Variants in FAM53C observed in about 807,000 individuals in gnomAD.
FAM53C encodes protein FAM53C.
In FAM53C, 10 loss-of-function variants were observed where a neutral mutation model predicts 34.7. The observed-to-expected ratio is 0.29, with a 90% CI of 0.18 to 0.49. The LOEUF (loss-of-function observed/expected upper bound fraction) is 0.49. Among genes scored for constraint, FAM53C ranks in the 20% least tolerant of loss-of-function variants. The pLI, the probability that FAM53C is intolerant of heterozygous loss-of-function variation, is 0.99. For missense variants in FAM53C, 442 were observed against 515.3 expected (o/e 0.86, Z 1.38); for synonymous variants, 203 against 203.6 (o/e 1.00, Z 0.03).
At chr5:138,339,694 T>A (rs1453771884) in intron 1 of FAM53C, among the ~76,000 whole-genome samples, 1 of 152,210 alleles carries the variant, frequency 6.6e-6, no homozygotes, top group African/African-American at 2.4e-5. Context: ...GCTTCTCCCG[T>A]AAGAATATAG....
chr5:138,348,819 C>G lies in FAM53C; in HGVS notation c.*1860C>G, dbSNP rs1207711027. On this transcript the variant is annotated 3_prime_UTR_variant, in exon 5 of 5. Coordinates refer to ENST00000239906, the MANE Select transcript of FAM53C (RefSeq NM_016605.3). ...GAGTTGCCCATCTATGGTTTCATTC[C>G]TCCCCTGGCTCTTCTCCCTCTTCAG... The G allele has an allele frequency of 6.6e-6, 1 of 152,292 alleles. No homozygotes were observed. Among genetic ancestry groups the G allele is most frequent in the Non-Finnish European group, 1.5e-5 (1 of 68,104 alleles). 9.4% of individuals were successfully genotyped at this position (152,292 alleles called of 1,614,324 possible). A position where few individuals can be genotyped will look rare whatever the true frequency, so the allele number is the denominator to read the frequency against.
rs763414033 is a variant in FAM53C, at chr5:138,344,868, G to T, written c.180G>T (p.Glu60Asp). The change falls in exon 4 of 5, where the codon GAG becomes GAT. Residue 60 changes from glutamate (E) to aspartate (D), a missense_variant. Transcript: ENST00000239906. ...GCCTGCCCCACTGTTCCTGTGCTGA[G>T]TTCCAGGACAGCCTCAACTTCAGCT... ...WRGLPHCSCA[E>D]FQDSLNFSYH... 8 of 1,607,792 alleles carry T rather than the reference G, an allele frequency of 5.0e-6. No individual in the cohort carries two copies. In the East Asian group the frequency reaches 1.6e-4, roughly 31 times the overall value.
rs1761138679 is a variant in FAM53C, at chr5:138,345,298, C to A, written c.610C>A (p.Arg204=). ...CCTGGCCCTGGCCCAAGATTCCTCT[C>A]GACCCTGCGCCGCCTCCCCTCAAAG... ...FSLALAQDSS[R]PCAASPQSGS... The change falls in exon 4 of 5, where the codon CGA becomes AGA. Residue 204 remains arginine, a synonymous_variant. Coordinates refer to ENST00000239906, the MANE Select transcript of FAM53C (RefSeq NM_016605.3). This position sits in a 1 kb window ranked among gnomAD's most constrained non-coding sequence, Gnocchi z 6.3. The A allele has an allele frequency of 1.9e-6, 3 of 1,614,236 alleles. No individual in the cohort carries two copies. Among genetic ancestry groups the A allele is most frequent in the Non-Finnish European group, 1.7e-6 (2 of 1,180,042 alleles).
Position 138,344,980 on chromosome 5 carries a change from C to G in FAM53C, c.292C>G (p.Pro98Ala), listed in dbSNP as rs1210890570. Residue 98 changes from proline (P) to alanine (A), a missense_variant, in exon 4 of 5, where the codon CCT becomes GCT. Transcript: ENST00000239906. ...GCAGCCCTTCTCCCAAGTCCTAAGA[C>G]CTGAGCCCCCAGATCCAGAGAAGCT... ...KEQPFSQVLR[P>A]EPPDPEKLPV... 6.2e-7 allele frequency: 1 copy of G among 1,614,022 alleles called. No individual in the cohort carries two copies. The highest frequency in any genetic ancestry group is 8.5e-7 in the Non-Finnish European group (1 of 1,179,950).
At chr5:138,341,602 C>A in intron 2 of FAM53C, 189 bp downstream of exon 2, 1 of 736,236 alleles carries the variant, frequency 1.4e-6, no homozygotes, top group Non-Finnish European at 2.3e-6. Flanking sequence ...AGAGAAGGGA[C>A]AGCAAAACTT....
chr5:138,346,311 A>G (rs1439526452), intron 4 of FAM53C, among the ~76,000 whole-genome samples: 3 of 152,234 alleles, frequency 2.0e-5, no homozygotes, highest in Non-Finnish European at 2.9e-5. Flanking sequence ...AATGGAAACA[A>G]TGGGCTCCAA....
upstream of FAM53C, chr5:138,338,052 G>A: frequency 7.8e-7 from 1 of 1,289,718 alleles, no homozygotes; most frequent in Non-Finnish European, 1.0e-6. Context: ...ACTCGTTAGT[G>A]AGGAAACCAC....
chr5:138,344,812 A>G lies in FAM53C; in HGVS notation c.137-13A>G, dbSNP rs1202526357. 2.0e-6 allele frequency: 3 copies of G among 1,519,356 alleles called. No homozygotes were observed. In the Admixed American group the frequency reaches 6.8e-5, roughly 34 times the overall value. The allele number at this position is 1,519,356 out of a possible 1,614,324, so 94.1% of individuals were successfully genotyped here. ...CTATCATTAATATTATTCTTATTAT[A>G]AATGCCTTCCAGAAGGTGCTTCCTG... On this transcript the variant is annotated splice_polypyrimidine_tract_variant and intron_variant, in intron 3 of 4. Coordinates refer to ENST00000239906, the MANE Select transcript of FAM53C (RefSeq NM_016605.3).
Position 138,345,520 on chromosome 5 carries a change from C to T in FAM53C, c.832C>T (p.Leu278=). 1 of 1,614,110 alleles carries T rather than the reference C, an allele frequency of 6.2e-7. No individual in the cohort carries two copies. Among genetic ancestry groups the T allele is most frequent in the South Asian group, 1.1e-5 (1 of 91,092 alleles). ...LPRSRSQPCD[L]DARKTGVKRR... ...CCGAAGCCGCTCACAGCCTTGTGAT[C>T]TGGATGCCCGCAAAACTGGGGTCAA... The change falls in exon 4 of 5, where the codon CTG becomes TTG. Residue 278 remains leucine (L), a synonymous_variant. Coordinates refer to ENST00000239906, the MANE Select transcript of FAM53C (RefSeq NM_016605.3). The surrounding 1 kb of genome is among the most constrained non-coding windows in gnomAD (Gnocchi z 6.3).
At position 138,345,636 on chromosome 5, in the gene FAM53C, T is replaced by A. The variant is rs758612019; in HGVS notation, c.921+27T>A. The A allele has an allele frequency of 6.9e-6, 11 of 1,591,632 alleles. No homozygotes were observed. The highest frequency in any genetic ancestry group is 9.4e-6 in the Non-Finnish European group (11 of 1,167,530). On this transcript the variant is annotated intron_variant, in intron 4 of 4. Transcript: ENST00000239906. The surrounding 1 kb of genome is among the most constrained non-coding windows in gnomAD (Gnocchi z 6.3). The stretch of plus-strand genomic sequence containing the variant: ...TGGGACCAGCAAGACTAGGGGAGCT[T>A]AGATGGGAGTGTGGGGACTGTTCTG...
Position 138,345,550 on chromosome 5 carries a change from C to T in FAM53C, c.862C>T (p.Arg288Cys), listed in dbSNP as rs1333117431. The T allele has an allele frequency of 3.7e-6, 6 of 1,613,826 alleles. No homozygotes were observed. The highest frequency in any genetic ancestry group is 5.1e-6 in the Non-Finnish European group (6 of 1,180,040). Residue 288 changes from arginine to cysteine, a missense_variant, in exon 4 of 5, where the codon CGC becomes TGC. Physicochemically the swap from Arg to Cys is radical, Grantham distance 180 (BLOSUM62 -3). Transcript: ENST00000239906. The surrounding 1 kb of genome is among the most constrained non-coding windows in gnomAD (Gnocchi z 6.3). The part of the protein sequence containing the change: ...LDARKTGVKR[R>C]HEEDPRRLRP... ...TGCCCGCAAAACTGGGGTCAAGCGG[C>T]GCCACGAGGAAGACCCCCGGCGTCT...
Position 138,341,173 on chromosome 5 carries a change from C to A in FAM53C, c.-152-11C>A. 1 of 752,442 alleles carries A rather than the reference C, an allele frequency of 1.3e-6. No individual in the cohort carries two copies. Among genetic ancestry groups the A allele is most frequent in the South Asian group, 1.4e-5 (1 of 72,550 alleles). The allele number at this position is 752,442 out of a possible 1,614,324, so 46.6% of individuals were successfully genotyped here. On this transcript the variant is annotated splice_polypyrimidine_tract_variant and intron_variant, in intron 1 of 4. Coordinates refer to ENST00000239906, the MANE Select transcript of FAM53C (RefSeq NM_016605.3). ...CTAATATCACTTGGGGCTGGTCCCT[C>A]TAATTGGCAGACTCAGCAGGCATGA...
Position 138,339,081 on chromosome 5 carries a change from G to A in FAM53C, c.-153+774G>A, listed in dbSNP as rs1054564106. On this transcript the variant is annotated intron_variant, in intron 1 of 4. Transcript: ENST00000239906. ...GTTAGGTCTGGTGGGGTTGCTGAGAGGGCCTAGCGGCCTGCTGCTCTGTGA... is the reference window on the plus strand; with the variant it reads ...GTTAGGTCTGGTGGGGTTGCTGAGAAGGCCTAGCGGCCTGCTGCTCTGTGA... 1.3e-3 allele frequency among the ~76,000 whole-genome samples: 204 copies of A among 152,324 alleles called. 1 individual carries two copies. The highest frequency in any genetic ancestry group is 4.5e-3 in the African/African-American group (187 of 41,568).
upstream of FAM53C, chr5:138,338,078 A>G (rs1231785214): frequency 2.3e-6 from 3 of 1,289,666 alleles, no homozygotes; most frequent in Non-Finnish European, 3.0e-6. Flanking sequence ...TCCCTAAATC[A>G]AAGCGCCAGG....
At position 138,345,277 on chromosome 5, in the gene FAM53C, G is replaced by A; in HGVS notation, c.589G>A (p.Ala197Thr). The change falls in exon 4 of 5, where the codon GCC becomes ACC. Residue 197 changes from alanine to threonine, a missense_variant. By Grantham distance (58) the Ala-to-Thr change is moderately conservative. Transcript: ENST00000239906. The surrounding 1 kb of genome is among the most constrained non-coding windows in gnomAD (Gnocchi z 6.3). ...CTACAGCCCTCCTTTCTTCAGCCTG[G>A]CCCTGGCCCAAGATTCCTCTCGACC... ...RPYSPPFFSL[A>T]LAQDSSRPCA... 6.2e-7 allele frequency: 1 copy of A among 1,614,116 alleles called. No homozygotes were observed. The highest frequency in any genetic ancestry group is 8.5e-7 in the Non-Finnish European group (1 of 1,180,016).
At chr5:138,338,786 C>T (rs985507841) in intron 1 of FAM53C, among the ~76,000 whole-genome samples, 6 of 152,248 alleles carry the variant, frequency 3.9e-5, no homozygotes, top group Admixed American at 3.9e-4. Flanking sequence ...CAGATCTCCA[C>T]CTACCTGTTC....
In FAM53C at chr5:138,345,569, G is replaced by A. The variant is rs201755627; in HGVS notation, c.881G>A (p.Arg294Gln). The A allele has an allele frequency of 1.1e-4, 172 of 1,613,492 alleles. No homozygotes were observed. The highest frequency in any genetic ancestry group is 1.2e-4 in the Non-Finnish European group (147 of 1,179,986). Residue 294 changes from arginine to glutamine, a missense_variant, in exon 4 of 5, where the codon CGG (arginine) becomes CAG (glutamine). Coordinates refer to ENST00000239906, the MANE Select transcript of FAM53C (RefSeq NM_016605.3). This position sits in a 1 kb window ranked among gnomAD's most constrained non-coding sequence, Gnocchi z 6.3. Reference sequence around the variant, plus strand: ...AAGCGGCGCCACGAGGAAGACCCCCGGCGTCTGCGGCCTTCGTTGGACTTT... The same window carrying A: ...AAGCGGCGCCACGAGGAAGACCCCCAGCGTCTGCGGCCTTCGTTGGACTTT... ...GVKRRHEEDPRRLRPSLDFDK... is the reference protein window; with the variant it reads ...GVKRRHEEDPQRLRPSLDFDK...
rs745757866 is a variant in FAM53C, at chr5:138,341,863, T to C, written c.133T>C (p.Ser45Pro). 3.7e-6 allele frequency: 6 copies of C among 1,613,940 alleles called. No individual in the cohort carries two copies. In the East Asian group the frequency reaches 1.3e-4, roughly 36 times the overall value. Residue 45 changes from serine to proline, a missense_variant, in exon 3 of 5, where the codon TCT becomes CCT. By Grantham distance (74) the Ser-to-Pro change is moderately conservative. Transcript: ENST00000239906. Reference protein sequence around the residue: ...SNCGNSFQLVSEGASWRGLPH... With the variant: ...SNCGNSFQLVPEGASWRGLPH... The stretch of plus-strand genomic sequence containing the variant: ...CTGTGGGAACTCTTTCCAGCTTGTG[T>C]CTGGTAAGGCATCGTGTGTGTTTGT...
upstream of FAM53C, chr5:138,337,959 C>T: frequency 1.7e-5 from 22 of 1,289,486 alleles, no homozygotes; most frequent in Non-Finnish European, 2.2e-5. Flanking sequence ...TGTTTACCTT[C>T]TTCCGACATG....
Sources: gnomAD v4.1 joint callset for allele counts (sites outside exome capture counted in the v4.1 genomes callset) on GRCh38, gnomAD v4.1.1 for gene constraint, Gnocchi (gnomAD v3.1) non-coding constraint, MANE v1.5 for transcripts, NCBI Gene and HGNC (gene_info 2026-07-23, HGNC 2026-07-21) for gene names.